MAST4: variants seen among roughly 807,000 people sequenced by gnomAD.
MAST4 encodes the protein microtubule-associated serine/threonine-protein kinase 4.
Under a neutral mutation model 162.7 loss-of-function variants are expected in MAST4, and 89 were observed. That is an observed-to-expected ratio of 0.55 (90% confidence interval 0.46 to 0.65). The LOEUF is 0.65. Ranked by LOEUF, MAST4 falls within the 30% of genes least tolerant of loss-of-function variation. MAST4 has a pLI of 0.00. For synonymous variants in MAST4, 1,479 were observed against 1,361.1 expected (o/e 1.09, Z -1.91); for missense variants, 3,153 against 3,374.0 (o/e 0.93, Z 1.62).
chr5:67,049,066 TATATATATATATAC>T, intron 4 of MAST4, among the ~76,000 whole-genome samples: 1 of 140,952 alleles, frequency 7.1e-6, no homozygotes, highest in Admixed American at 7.2e-5. Context: ...TATACGTATA[TATATATATATATAC>T]ACTACCATAC....
At chr5:66,846,746 A>G (rs1758883443) in intron 3 of MAST4, among the ~76,000 whole-genome samples, 1 of 152,182 alleles carries the variant, frequency 6.6e-6, no homozygotes, top group Non-Finnish European at 1.5e-5. Flanking sequence ...GGAGATTTAA[A>G]ATTTTAGTTG....
At chr5:66,887,862 T>G (rs1036367480) in intron 3 of MAST4, among the ~76,000 whole-genome samples, 1 of 152,162 alleles carries the variant, frequency 6.6e-6, no homozygotes, top group Admixed American at 6.5e-5. Context: ...TAACCCATGG[T>G]CTTCATTCTC....
At chr5:67,004,967 C>T (rs1441791676) in intron 4 of MAST4, 1 of 755,090 alleles carries the variant, frequency 1.3e-6, no homozygotes, top group South Asian at 1.4e-5. Context: ...TGGCCTTGAA[C>T]CCACAGTGAA....
At chr5:67,089,132 ATTTTTCC>A (rs926860991) in intron 5 of MAST4, among the ~76,000 whole-genome samples, 17 of 152,090 alleles carry the variant, frequency 1.1e-4, no homozygotes, top group Admixed American at 3.3e-4. Context: ...TTCCTGATTT[ATTTTTCC>A]TTTTTCCTTT....
chr5:66,924,588 G>T (rs1764759488), intron 4 of MAST4, among the ~76,000 whole-genome samples: 1 of 152,070 alleles, frequency 6.6e-6, no homozygotes, highest in Non-Finnish European at 1.5e-5. Context: ...TGTATTTTTA[G>T]TAGAGATGGG....
Position 66,752,209 on chromosome 5 carries a change from G to A in MAST4, c.364-7500G>A, listed in dbSNP as rs879771290. ...AAAATCATGGCAAAATGTAAAGACC[G>A]TCAAGACTAGAAAGAAACTGCATCA... On this transcript the variant is annotated intron_variant, in intron 1 of 28. Coordinates refer to ENST00000403625, the MANE Select transcript of MAST4 (RefSeq NM_001164664.2). 4.3e-3 allele frequency among the ~76,000 whole-genome samples: 662 copies of A among 152,248 alleles called. 2 individuals are homozygous for A. The highest frequency in any genetic ancestry group is 6.9e-3 in the Non-Finnish European group (472 of 68,022).
Position 66,843,506 on chromosome 5 carries a change from A to C in MAST4, c.642+54712A>C. On this transcript the variant is annotated intron_variant, in intron 3 of 28. Transcript: ENST00000403625. ...ATCCAAGACTCCCCCAACTGAGTCT[A>C]CTGCCTAATGCCTATTGGTGCTAGC... is the stretch of plus-strand genomic sequence containing the variant. 1.3e-5 allele frequency among the ~76,000 whole-genome samples: 2 copies of C among 152,192 alleles called. 1 individual carries two copies. The highest frequency in any genetic ancestry group is 2.9e-5 in the Non-Finnish European group (2 of 68,040).
At chr5:66,997,577 A>G (rs903277367) in intron 4 of MAST4, among the ~76,000 whole-genome samples, 2 of 151,708 alleles carry the variant, frequency 1.3e-5, no homozygotes, top group African/African-American at 4.8e-5. Flanking sequence ...GATTACAGGC[A>G]CCTGCCACCA....
At chr5:66,860,707 A>G (rs1296938528) in intron 3 of MAST4, among the ~76,000 whole-genome samples, 4 of 144,480 alleles carry the variant, frequency 2.8e-5, no homozygotes, top group Non-Finnish European at 4.5e-5. Context: ...CCCTTATTCT[A>G]TTCCCCATGC....
At chr5:67,116,094 A>C (rs578187668) in intron 12 of MAST4, among the ~76,000 whole-genome samples, 1 of 152,316 alleles carries the variant, frequency 6.6e-6, no homozygotes, top group South Asian at 2.1e-4. Context: ...TCTGAAGAAA[A>C]CATGAACAGT....
At chr5:66,702,609 G>A (rs190928148) in intron 1 of MAST4, among the ~76,000 whole-genome samples, 3 of 152,284 alleles carry the variant, frequency 2.0e-5, no homozygotes, top group Admixed American at 2.0e-4. Flanking sequence ...TGCAGCAGGA[G>A]GCTTTCAGGC....
chr5:66,638,987 A>T (rs997261972), intron 1 of MAST4, among the ~76,000 whole-genome samples: 15 of 152,318 alleles, frequency 9.8e-5, no homozygotes, highest in African/African-American at 3.4e-4. Flanking sequence ...TAGATCACTA[A>T]GTACCAAAGT....
chr5:67,157,312 T>C (rs560573478), intron 26 of MAST4, among the ~76,000 whole-genome samples: 5 of 152,374 alleles, frequency 3.3e-5, no homozygotes, highest in Admixed American at 3.3e-4. Context: ...GGCGTATGCC[T>C]GTAAGTTAAA....
intron 3 of MAST4, among the ~76,000 whole-genome samples, chr5:66,887,505 A>T (rs1762112723): frequency 6.6e-6 from 1 of 152,222 alleles, no homozygotes; most frequent in Non-Finnish European, 1.5e-5. Context: ...TCATATAAAA[A>T]TATTTGTTGG....
At chr5:66,928,674 A>G (rs1327218096) in intron 4 of MAST4, among the ~76,000 whole-genome samples, 1 of 152,176 alleles carries the variant, frequency 6.6e-6, no homozygotes, top group Admixed American at 6.5e-5. Context: ...AAACTTATAG[A>G]TGCACCTTCA....
intron 4 of MAST4, among the ~76,000 whole-genome samples, chr5:66,928,569 A>G (rs181172344): frequency 2.0e-5 from 3 of 152,322 alleles, no homozygotes; most frequent in Admixed American, 2.0e-4. Flanking sequence ...TACCATCTCT[A>G]CTACATTACC....
intron 7 of MAST4, among the ~76,000 whole-genome samples, chr5:67,097,244 A>C (rs1764569944): frequency 6.6e-6 from 1 of 152,168 alleles, no homozygotes; most frequent in African/African-American, 2.4e-5. Context: ...GTTTGGTACA[A>C]ATAATGTTTA....
intron 5 of MAST4, among the ~76,000 whole-genome samples, chr5:67,067,609 C>T (rs531258826): frequency 4.5e-4 from 69 of 152,282 alleles, no homozygotes; most frequent in African/African-American, 1.6e-3. Context: ...GTAACCAAGT[C>T]TCTGCTGGGA....
At chr5:66,803,968 G>A (rs1756051778) in intron 3 of MAST4, among the ~76,000 whole-genome samples, 1 of 151,664 alleles carries the variant, frequency 6.6e-6, no homozygotes, top group Non-Finnish European at 1.5e-5. Context: ...TCTGTATCAG[G>A]TGAAGAATAC....
Sources: allele counts gnomAD v4.1 joint callset (sites outside exome capture counted in the v4.1 genomes callset), GRCh38; gene constraint gnomAD v4.1.1; transcripts MANE v1.5; gene names NCBI Gene and HGNC (gene_info 2026-07-23, HGNC 2026-07-21).